Variants in CD300LG observed in about 807,000 individuals in gnomAD.
The protein encoded by CD300LG is CD300 molecule like family member g.
A neutral mutation model predicts 31.5 loss-of-function variants in CD300LG; 29 were observed. The ratio of observed to expected loss-of-function variants is 0.92; its 90% CI spans 0.68 to 1.25. The LOEUF (loss-of-function observed/expected upper bound fraction) is 1.25. CD300LG is among the 50% of genes most tolerant of loss of function. The probability of loss-of-function intolerance (pLI) is 0.00; values close to 1 mark genes in which losing one functional copy is unlikely to be tolerated. For synonymous variants in CD300LG, 175 were observed against 177.2 expected, an observed-to-expected ratio of 0.99 and a Z score of 0.10; for missense variants, 396 against 417.6, an observed-to-expected ratio of 0.95 and a Z score of 0.45.
rs1398637369 is a variant in CD300LG, at chr17:43,851,672, G to A, written c.380-1240G>A. On this transcript the variant is annotated intron_variant, in intron 2 of 6. Transcript: ENST00000317310. ...TTTTTTTTTTTTTTTTTTTTGAGACGGAGTCTCGCTCTGTCGCCCAGGCTG... is the reference window on the plus strand; with the variant it reads ...TTTTTTTTTTTTTTTTTTTTGAGACAGAGTCTCGCTCTGTCGCCCAGGCTG... Among the ~76,000 whole-genome samples, 5 of 142,826 alleles carry A rather than the reference G, an allele frequency of 3.5e-5. No individual in the cohort carries two copies. The East Asian group carries it at 6.2e-4, about 18-fold the overall frequency. 93.7% of individuals were successfully genotyped at this position (142,826 alleles called of 152,430 possible).
At chr17:43,849,022 C>A (rs922259935) in intron 2 of CD300LG, 129 bp downstream of exon 2, 16 of 838,066 alleles carry the variant, frequency 1.9e-5, no homozygotes, top group Non-Finnish European at 2.8e-5. Flanking sequence ...GCAGGTCAAG[C>A]ACCGAGCAAG....
intron 1 of CD300LG, 61 bp downstream of exon 1, chr17:43,847,320 A>G (rs576456799): frequency 3.1e-4 from 476 of 1,517,598 alleles, no homozygotes; most frequent in Middle Eastern, 5.5e-4. Context: ...CTGCAGGGAA[A>G]GGACCTCTTG....
chr17:43,855,072 CCA>C, intron 4 of CD300LG, 133 bp from the exon 5 acceptor site: 1 of 168,406 alleles, frequency 5.9e-6, no homozygotes, highest in African/African-American at 2.5e-5. Context: ...CCACCACCCC[CCA>C]CAAGTCTCTG....
intron 2 of CD300LG, 67 bp from the exon 3 acceptor site, chr17:43,852,845 C>A: frequency 7.6e-7 from 1 of 1,312,966 alleles, no homozygotes; most frequent in Non-Finnish European, 1.1e-6. Context: ...CTGCCAGCTG[C>A]TCCCAAGGAA....
chr17:43,857,749 A>G (rs1397061233), intron 6 of CD300LG: 1 of 1,531,682 alleles, frequency 6.5e-7, no homozygotes, highest in Admixed American at 2.0e-5. Flanking sequence ...CAAACAGAGA[A>G]CAGGACCCAG....
Position 43,861,987 on chromosome 17 carries a change from TC to T in CD300LG, c.*78del. ...GATCAGCACCGATTCCCGAAAGCTTTCCACCTCAGCCTCAGAGTCCAGCTGC... is the reference window on the plus strand; with the variant it reads ...GATCAGCACCGATTCCCGAAAGCTTTCACCTCAGCCTCAGAGTCCAGCTGC... On this transcript the variant is annotated 3_prime_UTR_variant, in exon 7 of 7. Coordinates refer to ENST00000317310, the MANE Select transcript of CD300LG (RefSeq NM_145273.4). 1 of 1,062,400 alleles carries T rather than the reference TC, an allele frequency of 9.4e-7. No individual in the cohort carries two copies. The highest frequency in any genetic ancestry group is 1.3e-6 in the Non-Finnish European group (1 of 755,468). 65.8% of individuals were successfully genotyped at this position (1,062,400 alleles called of 1,614,324 possible). A position where few individuals can be genotyped will look rare whatever the true frequency, so the allele number is the denominator to read the frequency against.
At chr17:43,855,863 A>T (rs2046505390) in intron 5 of CD300LG, 1 of 152,290 alleles carries the variant, frequency 6.6e-6, no homozygotes, top group South Asian at 2.1e-4. Context: ...CAAGCCACAA[A>T]TGTAATTTAA....
chr17:43,855,675 A>C (rs1032673465), intron 5 of CD300LG: 1 of 167,378 alleles, frequency 6.0e-6, no homozygotes, highest in African/African-American at 2.4e-5. Flanking sequence ...TGAGCAGGAC[A>C]GACATTGTAA....
Position 43,848,886 on chromosome 17 carries a change from C to T in CD300LG, c.372C>T (p.Val124=), listed in dbSNP as rs147596228. The stretch of plus-strand genomic sequence containing the variant: ...AGTCTTTACTGATCTCTCTGTTCGT[C>T]TTTCCAGGTAACAGATATCTCTCCT... ...PDESLLISLF[V]FPGPCCPPSP... is the part of the protein sequence containing the mutation. The change falls in exon 2 of 7, where the codon GTC becomes GTT. Residue 124 remains valine (V), a synonymous_variant. Coordinates refer to ENST00000317310, the MANE Select transcript of CD300LG (RefSeq NM_145273.4). The T allele has an allele frequency of 1.8e-3, 2,913 of 1,606,706 alleles. 5 individuals carry two copies. Among genetic ancestry groups the T allele is most frequent in the Non-Finnish European group, 2.1e-3 (2,463 of 1,173,848 alleles).
At chr17:43,855,012 T>C (rs2046471556) in intron 4 of CD300LG, among the ~76,000 whole-genome samples, 195 bp from the exon 5 acceptor site, 1 of 152,028 alleles carries the variant, frequency 6.6e-6, no homozygotes, top group Admixed American at 6.6e-5. Flanking sequence ...TCTGCGCTAA[T>C]TACATAATGT....
intron 6 of CD300LG, among the ~76,000 whole-genome samples, chr17:43,859,703 C>G (rs1241622899): frequency 1.3e-5 from 2 of 152,118 alleles, no homozygotes; most frequent in Admixed American, 1.3e-4. Context: ...ACCAAGGCCC[C>G]CTCTGTCCTC....
At chr17:43,851,065 C>T (rs1440316916) in intron 2 of CD300LG, among the ~76,000 whole-genome samples, 5 of 132,454 alleles carry the variant, frequency 3.8e-5, no homozygotes, top group South Asian at 2.6e-4. Context: ...ACCCGGGAGG[C>T]GGAGGTTGCA....
rs759642000 is a variant in CD300LG, at chr17:43,853,024, G to A, written c.481+11G>A. 7 of 1,603,364 alleles carry A rather than the reference G, an allele frequency of 4.4e-6. No individual in the cohort carries two copies. In the South Asian group the frequency reaches 6.7e-5, roughly 15 times the overall value. ...AGCCCCCAGGATTGAGTGAGTGAAT[G>A]GCAATTCCGCCCCTTCCCTTGCCAC... On this transcript the variant is annotated intron_variant, in intron 3 of 6. Coordinates refer to ENST00000317310, the MANE Select transcript of CD300LG (RefSeq NM_145273.4).
intron 3 of CD300LG, among the ~76,000 whole-genome samples, 188 bp downstream of exon 3, chr17:43,853,201 A>G (rs4793040): frequency 0.26 from 39,421 of 152,042 alleles, 7,094 homozygotes; most frequent in African/African-American, 0.51. Flanking sequence ...GGGTCACACA[A>G]GAAGTGCCAG....
At chr17:43,847,865 C>T (rs986148053) in intron 1 of CD300LG, among the ~76,000 whole-genome samples, 4 of 152,082 alleles carry the variant, frequency 2.6e-5, no homozygotes, top group Non-Finnish European at 4.4e-5. Context: ...GTGGGAGGAT[C>T]GCTTGAGCCC....
rs142287848 is a variant in CD300LG at position 43,852,450 on chromosome 17, G to A, written c.380-462G>A. ...GCTGGTCTCGAACTCCTGACCTCAC[G>A]TGATCCACCAGCCTTGGCCTCCCAA... is the stretch of plus-strand genomic sequence containing the variant. On this transcript the variant is annotated intron_variant, in intron 2 of 6. Transcript: ENST00000317310. Among the ~76,000 whole-genome samples the A allele has an allele frequency of 4.2e-3, 639 of 152,258 alleles. 4 individuals are homozygous for A. The highest frequency in any genetic ancestry group is 0.015 in the African/African-American group (611 of 41,552).
chr17:43,858,354 G>T, intron 6 of CD300LG: 1 of 997,052 alleles, frequency 1.0e-6, no homozygotes, highest in Non-Finnish European at 1.2e-6. Context: ...GGCTCTGCGG[G>T]CTAGGGCCTG....
chr17:43,857,831 C>T, intron 6 of CD300LG: 1 of 1,537,256 alleles, frequency 6.5e-7, no homozygotes, highest in Non-Finnish European at 8.7e-7. Flanking sequence ...GGCTCTGAGA[C>T]CAAGGTGGTG....
chr17:43,848,812 C>T lies in CD300LG; in HGVS notation c.298C>T (p.Gln100Ter). The change falls in exon 2 of 7, where the codon CAA becomes TAA. Residue 100 changes from glutamine to a stop codon, truncating the protein, a stop_gained. Coordinates refer to ENST00000317310, the MANE Select transcript of CD300LG (RefSeq NM_145273.4). LOFTEE classifies it high-confidence loss of function. ...LIVTLWNLTL[Q>*]DAGEYWCGVE... ...TGTGACCCTGTGGAACCTCACCCTG[C>T]AAGACGCTGGGGAGTACTGGTGTGG... 6.2e-7 allele frequency: 1 copy of T among 1,614,198 alleles called. No homozygotes were observed. The highest frequency in any genetic ancestry group is 8.5e-7 in the Non-Finnish European group (1 of 1,180,040).
Sources: gnomAD v4.1 joint callset for allele counts (sites outside exome capture counted in the v4.1 genomes callset) on GRCh38, gnomAD v4.1.1 for gene constraint, MANE v1.5 for transcripts, NCBI Gene and HGNC (gene_info 2026-07-23, HGNC 2026-07-21) for gene names.